The following DLGAP2 variants were observed in gnomAD, a reference collection of about 807,000 sequenced individuals.
The protein encoded by DLGAP2 is disks large-associated protein 2.
In DLGAP2, 26 loss-of-function variants were observed where a neutral mutation model predicts 100.3. That is an observed-to-expected ratio of 0.26 (90% confidence interval 0.19 to 0.36). DLGAP2 has a LOEUF of 0.36. DLGAP2 is among the 10% of genes least tolerant of loss of function. DLGAP2 has a pLI of 1.00. For missense variants in DLGAP2, 1,858 were observed against 1,453.2 expected (o/e 1.28, Z -4.53); for synonymous variants, 886 against 630.1 (o/e 1.41, Z -6.08).
At chr8:1,484,170 C>G (rs531146872) in intron 3 of DLGAP2, among the ~76,000 whole-genome samples, 11 of 152,218 alleles carry the variant, frequency 7.2e-5, no homozygotes, top group African/African-American at 2.7e-4. Flanking sequence ...GTGCCAAGGC[C>G]ACAGCCTCCT....
chr8:1,568,620 G>A (rs1802517564), intron 6 of DLGAP2, among the ~76,000 whole-genome samples: 1 of 126,336 alleles, frequency 7.9e-6, no homozygotes, highest in East Asian at 2.6e-4. Flanking sequence ...TGTTCACTCA[G>A]CAGACACAAA....
intron 2 of DLGAP2, among the ~76,000 whole-genome samples, chr8:984,782 A>G (rs1584947505): frequency 1.3e-5 from 2 of 152,188 alleles, no homozygotes; most frequent in South Asian, 4.1e-4. Flanking sequence ...TGAGTCCCTC[A>G]TAAGTGATTG....
intron 3 of DLGAP2, among the ~76,000 whole-genome samples, chr8:1,498,562 C>A (rs980846632): frequency 6.6e-6 from 1 of 152,164 alleles, no homozygotes; most frequent in Non-Finnish European, 1.5e-5. Context: ...GGAATTTGGG[C>A]AAGAGCAGAA....
intron 1 of DLGAP2, among the ~76,000 whole-genome samples, chr8:791,191 T>G (rs1822017167): frequency 6.6e-6 from 1 of 152,212 alleles, no homozygotes; most frequent in South Asian, 2.1e-4. Flanking sequence ...AAGGAATAAA[T>G]TAATAATCAG....
At chr8:1,496,560 C>G (rs1799551750) in intron 3 of DLGAP2, among the ~76,000 whole-genome samples, 1 of 152,184 alleles carries the variant, frequency 6.6e-6, no homozygotes, top group East Asian at 1.9e-4. Context: ...CGACTCATCA[C>G]TGAGCAAAGG....
At chr8:1,215,922 C>G (rs1260800806) in intron 2 of DLGAP2, among the ~76,000 whole-genome samples, 1 of 150,088 alleles carries the variant, frequency 6.7e-6, no homozygotes, top group Non-Finnish European at 1.5e-5. Context: ...CTGGAGACGT[C>G]CAGGTACCTG....
chr8:1,274,308 T>G (rs1350267947), intron 3 of DLGAP2, among the ~76,000 whole-genome samples: 2 of 152,172 alleles, frequency 1.3e-5, no homozygotes, highest in African/African-American at 4.8e-5. Flanking sequence ...ACCACACTTG[T>G]GCCCCCACAC....
At chr8:1,336,301 C>T (rs958002605) in intron 3 of DLGAP2, among the ~76,000 whole-genome samples, 6 of 152,130 alleles carry the variant, frequency 3.9e-5, no homozygotes, top group Admixed American at 6.6e-5. Flanking sequence ...GAAGCACCTT[C>T]GTTCTGGGAA....
chr8:1,227,797 A>G (rs995192314), intron 2 of DLGAP2, among the ~76,000 whole-genome samples: 1 of 152,224 alleles, frequency 6.6e-6, no homozygotes, highest in Non-Finnish European at 1.5e-5. Context: ...AAAGGAGCAG[A>G]TAAGATGAAC....
Position 1,638,034 on chromosome 8 carries a change from C to T in DLGAP2, c.1810+4988C>T, listed in dbSNP as rs115601791. On this transcript the variant is annotated intron_variant, in intron 8 of 14. Coordinates refer to ENST00000637795, the MANE Select transcript of DLGAP2 (RefSeq NM_001346810.2). ...CTCAGCTCTGGGATTCGCAGGGCACCCGGCCTGGAGGGAGAGGCTGGAAGG... is the reference window on the plus strand; with the variant it reads ...CTCAGCTCTGGGATTCGCAGGGCACTCGGCCTGGAGGGAGAGGCTGGAAGG... Among the ~76,000 whole-genome samples the T allele has an allele frequency of 7.7e-3, 1,176 of 152,280 alleles. 19 individuals carry two copies. The highest frequency in any genetic ancestry group is 0.027 in the African/African-American group (1,115 of 41,534).
intron 3 of DLGAP2, among the ~76,000 whole-genome samples, chr8:1,364,551 G>A (rs1011307174): frequency 2.0e-5 from 3 of 152,282 alleles, no homozygotes; most frequent in South Asian, 4.1e-4. Context: ...GACTGGGGCT[G>A]GCGGGAAGCG....
intron 2 of DLGAP2, among the ~76,000 whole-genome samples, chr8:1,174,513 T>A (rs1490586953): frequency 1.3e-5 from 2 of 151,862 alleles, no homozygotes; most frequent in Non-Finnish European, 2.9e-5. Flanking sequence ...AAAGTCATTA[T>A]CACCATCACC....
intron 3 of DLGAP2, among the ~76,000 whole-genome samples, chr8:1,494,765 A>G (rs1300227874): frequency 1.3e-5 from 2 of 151,906 alleles, no homozygotes; most frequent in Non-Finnish European, 2.9e-5. Flanking sequence ...ACGAGGTGCC[A>G]CTCAATGCAG....
At chr8:1,151,652 C>A (rs1796699555) in intron 2 of DLGAP2, among the ~76,000 whole-genome samples, 2 of 152,308 alleles carry the variant, frequency 1.3e-5, no homozygotes, top group African/African-American at 4.8e-5. Flanking sequence ...GCAGAGAGCT[C>A]TTCCGGTGCC....
chr8:1,455,537 G>A (rs1019071382), intron 3 of DLGAP2, among the ~76,000 whole-genome samples: 5 of 152,354 alleles, frequency 3.3e-5, no homozygotes, highest in East Asian at 1.9e-4. Context: ...AAGTCAGTCC[G>A]CCTGACACAC....
chr8:1,233,130 G>A (rs564932526), intron 2 of DLGAP2, among the ~76,000 whole-genome samples: 1 of 152,322 alleles, frequency 6.6e-6, no homozygotes, highest in South Asian at 2.1e-4. Flanking sequence ...CTCCCTCCAT[G>A]CTTTTAATGA....
At chr8:1,600,956 G>C (rs377014946) in intron 6 of DLGAP2, among the ~76,000 whole-genome samples, 9 of 152,302 alleles carry the variant, frequency 5.9e-5, no homozygotes, top group African/African-American at 2.2e-4. Flanking sequence ...AGGCTTTCTG[G>C]TTTTTGGAAT....
At chr8:1,029,929 G>A (rs1801927286) in intron 2 of DLGAP2, among the ~76,000 whole-genome samples, 1 of 152,168 alleles carries the variant, frequency 6.6e-6, no homozygotes, top group East Asian at 1.9e-4. Context: ...TGGAAAAGGA[G>A]GGTGTGGTTG....
chr8:1,574,425 G>A (rs868532819), intron 6 of DLGAP2, among the ~76,000 whole-genome samples: 7 of 152,004 alleles, frequency 4.6e-5, no homozygotes, highest in Non-Finnish European at 7.4e-5. Context: ...CTGTCTCAGC[G>A]AGTCACACCA....
Sources: allele counts gnomAD v4.1 joint callset (sites outside exome capture counted in the v4.1 genomes callset), GRCh38; gene constraint gnomAD v4.1.1; transcripts MANE v1.5; gene names NCBI Gene and HGNC (gene_info 2026-07-23, HGNC 2026-07-21).